Variants in XKR6 observed in about 807,000 individuals in gnomAD.
XKR6 encodes the protein XK-related protein 6.
XKR6 carries 22 observed loss-of-function variants against 56.7 expected under a neutral mutation model. The observed-to-expected ratio is 0.39, with a 90% CI of 0.28 to 0.55. The LOEUF (loss-of-function observed/expected upper bound fraction) is 0.55. XKR6 is among the 20% of genes least tolerant of loss of function. The probability of loss-of-function intolerance (pLI) is 0.66; values close to 1 mark genes in which losing one functional copy is unlikely to be tolerated. For synonymous variants in XKR6, 524 were observed against 387.8 expected (o/e 1.35, Z -4.13); for missense variants, 852 against 889.0 (o/e 0.96, Z 0.53).
intron 1 of XKR6, among the ~76,000 whole-genome samples, chr8:10,997,113 T>G (rs2129141958): frequency 6.6e-6 from 1 of 152,292 alleles, no homozygotes; most frequent in South Asian, 2.1e-4. Context: ...GTGTCCTCAT[T>G]ATTTCTTTTC....
chr8:11,002,083 A>AT (rs1248654982), intron 1 of XKR6, among the ~76,000 whole-genome samples: 1 of 85,676 alleles, frequency 1.2e-5, no homozygotes, highest in African/African-American at 5.0e-5. Flanking sequence ...AAAAAAAAAC[A>AT]CACAAAAAAC....
chr8:11,110,533 C>T (rs1480116817), intron 1 of XKR6, among the ~76,000 whole-genome samples: 3 of 152,144 alleles, frequency 2.0e-5, no homozygotes, highest in African/African-American at 4.8e-5. Context: ...TCTATAGTTC[C>T]GTGCATTCTC....
At chr8:10,960,014 G>C (rs1348170285) in intron 1 of XKR6, among the ~76,000 whole-genome samples, 1 of 152,162 alleles carries the variant, frequency 6.6e-6, no homozygotes, top group African/African-American at 2.4e-5. Context: ...GGTCAGGGGG[G>C]GGCCTCCTTA....
intron 1 of XKR6, among the ~76,000 whole-genome samples, chr8:11,182,213 T>C (rs1376030463): frequency 6.6e-6 from 1 of 152,212 alleles, no homozygotes; most frequent in Admixed American, 6.5e-5. Context: ...GCTGTTGACC[T>C]TGCTATAAGG....
At chr8:11,103,354 A>G (rs927775851) in intron 1 of XKR6, among the ~76,000 whole-genome samples, 6 of 152,168 alleles carry the variant, frequency 3.9e-5, no homozygotes, top group South Asian at 2.1e-4. Flanking sequence ...CAGGAGTTCA[A>G]TCAAGCCACC....
intron 1 of XKR6, among the ~76,000 whole-genome samples, chr8:10,967,550 G>A (rs1332005066): frequency 6.6e-6 from 1 of 152,174 alleles, no homozygotes; most frequent in African/African-American, 2.4e-5. Context: ...GGGGTGCCTG[G>A]TCTGGGGCAA....
chr8:11,085,211 A>G (rs1388547585), intron 1 of XKR6, among the ~76,000 whole-genome samples: 1 of 151,554 alleles, frequency 6.6e-6, no homozygotes, highest in Non-Finnish European at 1.5e-5. Flanking sequence ...TCCTCCCATC[A>G]CCCTCTCAGA....
rs189031402 is a variant in XKR6, at chr8:11,037,806, C to T, written c.765-112976G>A. Among the ~76,000 whole-genome samples, 866 of 150,672 alleles carry T rather than the reference C, an allele frequency of 5.7e-3. 10 individuals are homozygous for T. Among genetic ancestry groups the T allele is most frequent in the African/African-American group, 0.02 (828 of 41,002 alleles). ...CCAGAAGGCAGAGCTTGCACTGAGC[C>T]GAGATCGTGCCACTGCACTCCAGCC... is the stretch of plus-strand genomic sequence containing the variant. On this transcript the variant is annotated intron_variant, in intron 1 of 2. Transcript: ENST00000416569.
At chr8:11,020,687 G>A (rs1490555541) in intron 1 of XKR6, among the ~76,000 whole-genome samples, 2 of 152,116 alleles carry the variant, frequency 1.3e-5, no homozygotes, top group Non-Finnish European at 2.9e-5. Flanking sequence ...GGCATTCATG[G>A]GCTATGGCTT....
intron 1 of XKR6, among the ~76,000 whole-genome samples, chr8:11,037,341 T>C (rs1014764487): frequency 7.9e-5 from 12 of 152,196 alleles, no homozygotes; most frequent in African/African-American, 2.7e-4. Flanking sequence ...TCCTCCTGCC[T>C]AGGCCTCCTG....
chr8:11,054,512 C>T lies in XKR6; in HGVS notation c.765-129682G>A, dbSNP rs1005263413. 2.0e-5 allele frequency among the ~76,000 whole-genome samples: 3 copies of T among 152,302 alleles called. No individual in the cohort carries two copies. In the East Asian group the frequency reaches 5.8e-4, roughly 29 times the overall value. ...GAGAGTGCATGGGTGGGCACAGAGTCCTGCAGTAGCAGTGAAGAGCTACAT... is the reference window on the plus strand; with the variant it reads ...GAGAGTGCATGGGTGGGCACAGAGTTCTGCAGTAGCAGTGAAGAGCTACAT... On this transcript the variant is annotated intron_variant, in intron 1 of 2. Transcript: ENST00000416569.
intron 1 of XKR6, among the ~76,000 whole-genome samples, chr8:11,121,738 A>G (rs1443305664): frequency 1.3e-5 from 2 of 152,228 alleles, no homozygotes; most frequent in African/African-American, 4.8e-5. Context: ...ATGCACACAT[A>G]TGTTTATTGC....
At chr8:11,024,746 G>C (rs572470792) in intron 1 of XKR6, among the ~76,000 whole-genome samples, 1 of 152,384 alleles carries the variant, frequency 6.6e-6, no homozygotes, top group South Asian at 2.1e-4. Flanking sequence ...AGTCACAGAT[G>C]GGATGGGGAA....
chr8:11,065,228 G>A (rs1799944713), intron 1 of XKR6, among the ~76,000 whole-genome samples: 1 of 152,174 alleles, frequency 6.6e-6, no homozygotes, highest in Non-Finnish European at 1.5e-5. Context: ...GGAAACACAG[G>A]ATTATAGAGC....
chr8:11,150,458 C>G (rs1206654023), intron 1 of XKR6, among the ~76,000 whole-genome samples: 4 of 152,190 alleles, frequency 2.6e-5, no homozygotes, highest in Non-Finnish European at 5.9e-5. Context: ...GTAAAGTCCC[C>G]TTCCCCCCGG....
At chr8:10,996,806 A>G (rs1254934369) in intron 1 of XKR6, among the ~76,000 whole-genome samples, 2 of 152,058 alleles carry the variant, frequency 1.3e-5, no homozygotes, top group Admixed American at 6.5e-5. Context: ...GGAGGCTAAG[A>G]GTTTGAGACC....
chr8:11,022,740 C>G (rs970694755), intron 1 of XKR6, among the ~76,000 whole-genome samples: 2 of 152,186 alleles, frequency 1.3e-5, no homozygotes, highest in Admixed American at 6.5e-5. Flanking sequence ...GTGGTAGAAC[C>G]AAGACCCAAG....
intron 1 of XKR6, among the ~76,000 whole-genome samples, chr8:11,156,553 G>A (rs1466749177): frequency 6.6e-6 from 1 of 152,160 alleles, no homozygotes; most frequent in African/African-American, 2.4e-5. Context: ...AAAGTCTACA[G>A]CAAATATCAG....
rs374159213 is a variant in XKR6 at position 10,898,235 on chromosome 8, G to C, written c.1643C>G (p.Thr548Arg). The C allele has an allele frequency of 1.9e-6, 3 of 1,614,022 alleles. No individual in the cohort carries two copies. In the African/African-American group the frequency reaches 4.0e-5, roughly 22 times the overall value. ...AGCCGTGAGATCCTCCTGTTGTTCCGTTACGGCTCTGGTGGGCGTAACCTG... is the reference window on the plus strand; with the variant it reads ...AGCCGTGAGATCCTCCTGTTGTTCCCTTACGGCTCTGGTGGGCGTAACCTG... ...GTQVTPTRAV[T>R]EQQEDLTADT... is the part of the protein sequence containing the mutation. Residue 548 changes from threonine (T) to arginine (R), a missense_variant, in exon 3 of 3, where the codon ACG (threonine) becomes AGG (arginine). Around this residue, in one of 4 missense-constraint regions of XKR6, gnomAD observed 197 missense variants for 190.9 expected, o/e 1.03. Transcript: ENST00000416569. This position sits in a 1 kb window ranked among gnomAD's most constrained non-coding sequence, Gnocchi z 6.6.
Sources: allele counts gnomAD v4.1 joint callset (sites outside exome capture counted in the v4.1 genomes callset), GRCh38; gene constraint gnomAD v4.1.1; regional missense constraint gnomAD v4.1.1; non-coding constraint Gnocchi (gnomAD v3.1); transcripts MANE v1.5; gene names NCBI Gene and HGNC (gene_info 2026-07-23, HGNC 2026-07-21).